Variants in MYOCD observed in about 807,000 individuals in gnomAD.
The protein encoded by MYOCD is myocardin.
Under a neutral mutation model 96.1 loss-of-function variants are expected in MYOCD, and 32 were observed. That is an observed-to-expected ratio of 0.33 (90% CI 0.25 to 0.45). MYOCD has a LOEUF of 0.45. MYOCD is among the 20% of genes least tolerant of loss of function. The pLI is 1.00. For missense variants in MYOCD, 1,133 were observed against 1,200.6 expected (o/e 0.94, Z 0.83); for synonymous variants, 469 against 469.0 (o/e 1.00, Z 0.00).
intron 12 of MYOCD, 99 bp downstream of exon 12, chr17:12,758,312 T>C (rs774019430): frequency 3.3e-5 from 52 of 1,562,310 alleles, no homozygotes; most frequent in Non-Finnish European, 4.4e-5. Flanking sequence ...AATTCTGATA[T>C]TGAGTGTGTC....
intron 11 of MYOCD, among the ~76,000 whole-genome samples, chr17:12,756,854 T>A (rs1177414796): frequency 6.6e-6 from 1 of 151,908 alleles, no homozygotes; most frequent in East Asian, 1.9e-4. Flanking sequence ...ATAATGAAGT[T>A]CCCTTTCAAG....
At chr17:12,744,849 G>A (rs1005413133) in intron 8 of MYOCD, among the ~76,000 whole-genome samples, 27 of 152,208 alleles carry the variant, frequency 1.8e-4, no homozygotes, top group African/African-American at 6.3e-4. Flanking sequence ...ATCTGGATGT[G>A]GTGGTTTCTC....
intron 1 of MYOCD, among the ~76,000 whole-genome samples, chr17:12,687,224 T>C (rs1165812458): frequency 2.6e-5 from 4 of 152,172 alleles, no homozygotes; most frequent in Admixed American, 6.5e-5. Context: ...GTAATATGTT[T>C]TAAAAAAAAT....
rs1204542026 is a variant in MYOCD, at chr17:12,767,875, C to T, written c.*4231C>T. ...ATTTTTGTGTCCTATCCCTACTTAT[C>T]GTAGCAGCTCTATAGACAAAAGGGA... is the stretch of plus-strand genomic sequence containing the variant. On this transcript the variant is annotated 3_prime_UTR_variant, in exon 14 of 14. Coordinates refer to ENST00000425538, the MANE Select transcript of MYOCD (RefSeq NM_001146312.3). 6.6e-6 allele frequency: 1 copy of T among 152,124 alleles called. No homozygotes were observed. Among genetic ancestry groups the T allele is most frequent in the Non-Finnish European group, 1.5e-5 (1 of 68,028 alleles). The allele number at this position is 152,124 out of a possible 1,614,324, so 9.4% of individuals were successfully genotyped here.
intron 5 of MYOCD, among the ~76,000 whole-genome samples, chr17:12,724,381 T>C (rs2031935828): frequency 6.6e-6 from 1 of 152,224 alleles, no homozygotes; most frequent in Non-Finnish European, 1.5e-5. Flanking sequence ...TACATGACTT[T>C]TTCTCTGAAA....
intron 1 of MYOCD, among the ~76,000 whole-genome samples, chr17:12,685,765 C>T (rs2030085691): frequency 1.3e-5 from 2 of 152,200 alleles, no homozygotes; most frequent in South Asian, 2.1e-4. Context: ...CTTTAGTTAA[C>T]TCAAGCGTGT....
chr17:12,721,377 A>G (rs1313571406), intron 4 of MYOCD, among the ~76,000 whole-genome samples: 1 of 152,188 alleles, frequency 6.6e-6, no homozygotes, highest in African/African-American at 2.4e-5. Context: ...TTCAGAGGCA[A>G]CAAGATGAAG....
chr17:12,761,285 G>A (rs1194893063), intron 13 of MYOCD: 1 of 152,288 alleles, frequency 6.6e-6, no homozygotes, highest in African/African-American at 2.4e-5. Flanking sequence ...AGGAGCATGT[G>A]TAGATCAAAA....
intron 10 of MYOCD, among the ~76,000 whole-genome samples, chr17:12,755,434 C>A (rs1186392699): frequency 6.6e-6 from 1 of 152,088 alleles, no homozygotes; most frequent in African/African-American, 2.4e-5. Flanking sequence ...CACAGTGAAA[C>A]CCCATCTCTA....
rs1478795887 is a variant in MYOCD at position 12,765,377 on chromosome 17, T to A, written c.*1733T>A. On this transcript the variant is annotated 3_prime_UTR_variant, in exon 14 of 14. Transcript: ENST00000425538. ...AAAAAATAATCAAAAATGTTGGGATTTTAGAAGCTCTCTTTTTGATAAACC... is the reference window on the plus strand; with the variant it reads ...AAAAAATAATCAAAAATGTTGGGATATTAGAAGCTCTCTTTTTGATAAACC... 1 of 152,120 alleles carries A rather than the reference T, an allele frequency of 6.6e-6. No individual in the cohort carries two copies. The highest frequency in any genetic ancestry group is 1.5e-5 in the Non-Finnish European group (1 of 68,030). 9.4% of individuals were successfully genotyped at this position (152,120 alleles called of 1,614,324 possible).
chr17:12,688,082 G>C (rs1012046446), intron 1 of MYOCD, among the ~76,000 whole-genome samples: 1 of 152,228 alleles, frequency 6.6e-6, no homozygotes, highest in Non-Finnish European at 1.5e-5. Context: ...TTGCCAAAGA[G>C]TTGAGATGCA....
At chr17:12,720,200 T>G (rs566211360) in intron 4 of MYOCD, 1 of 152,082 alleles carries the variant, frequency 6.6e-6, no homozygotes, top group African/African-American at 2.4e-5. Context: ...AGGGCCAGTC[T>G]TTTCAGGGGC....
intron 1 of MYOCD, among the ~76,000 whole-genome samples, chr17:12,681,432 A>G (rs544022613): frequency 6.6e-6 from 1 of 152,160 alleles, no homozygotes; most frequent in Non-Finnish European, 1.5e-5. Flanking sequence ...ACAAACTGAG[A>G]GTGTGGTGCT....
intron 5 of MYOCD, among the ~76,000 whole-genome samples, chr17:12,733,633 C>T (rs1275522382): frequency 3.9e-5 from 6 of 152,064 alleles, no homozygotes; most frequent in South Asian, 2.1e-4. Context: ...TTTGGGAGGC[C>T]GAGGTGTGTG....
At position 12,758,111 on chromosome 17, in the gene MYOCD, G is replaced by C; in HGVS notation, c.2229G>C (p.Lys743Asn). 6.2e-7 allele frequency: 1 copy of C among 1,614,020 alleles called. No individual in the cohort carries two copies. Among genetic ancestry groups the C allele is most frequent in the Non-Finnish European group, 8.5e-7 (1 of 1,179,974 alleles). The change falls in exon 12 of 14, where the codon AAG becomes AAC. Residue 743 changes from lysine (K) to asparagine (N), a missense_variant. Lys to Asn is a moderately conservative substitution (Grantham distance 94). Coordinates refer to ENST00000425538, the MANE Select transcript of MYOCD (RefSeq NM_001146312.3). ...QKMAGLHSSDKVGPKFSIPSP... is the reference protein window; with the variant it reads ...QKMAGLHSSDNVGPKFSIPSP... The stretch of plus-strand genomic sequence containing the variant: ...TGGCTGGTTTACACTCTTCTGATAA[G>C]GTGGGGCCAAAGTTTTCAATTCCAT...
chr17:12,737,404 G>A (rs978695924), intron 6 of MYOCD, among the ~76,000 whole-genome samples: 2 of 152,210 alleles, frequency 1.3e-5, no homozygotes, highest in African/African-American at 4.8e-5. Context: ...GTATCATCGA[G>A]GTTGATTCTG....
chr17:12,700,564 C>G (rs886064620), intron 1 of MYOCD, among the ~76,000 whole-genome samples: 8 of 151,544 alleles, frequency 5.3e-5, no homozygotes, highest in Admixed American at 5.3e-4. Context: ...CAGGCACCCC[C>G]CACCACACCC....
chr17:12,710,249 G>C (rs757784481), intron 2 of MYOCD, among the ~76,000 whole-genome samples: 1 of 152,108 alleles, frequency 6.6e-6, no homozygotes, highest in Non-Finnish European at 1.5e-5. Context: ...TTTAACCCAG[G>C]GGAGAGATGA....
At chr17:12,756,651 G>GGCT in intron 11 of MYOCD, 94 bp downstream of exon 11, 1 of 1,000,300 alleles carries the variant, frequency 1.0e-6, no homozygotes, top group Non-Finnish European at 1.4e-6. Context: ...AGCCGAGATC[G>GGCT]CACCACTGCA....
Sources: allele counts gnomAD v4.1 joint callset (sites outside exome capture counted in the v4.1 genomes callset), GRCh38; gene constraint gnomAD v4.1.1; transcripts MANE v1.5; gene names NCBI Gene and HGNC (gene_info 2026-07-23, HGNC 2026-07-21).